Variants in CADM1 observed in about 807,000 individuals in gnomAD.
CADM1 encodes the protein TSLC-1.
Under a neutral mutation model 53.1 loss-of-function variants are expected in CADM1, and 15 were observed. The ratio of observed to expected loss-of-function variants is 0.28; its 90% CI spans 0.19 to 0.44. The LOEUF is 0.44. Among genes scored for constraint, CADM1 ranks in the 20% least tolerant of loss-of-function variants. CADM1 has a pLI of 1.00. For missense variants in CADM1, 434 were observed against 611.3 expected (o/e 0.71, Z 3.06); for synonymous variants, 281 against 243.0 (o/e 1.16, Z -1.45).
At chr11:115,369,876 C>G (rs1946268349) in intron 1 of CADM1, among the ~76,000 whole-genome samples, 1 of 152,146 alleles carries the variant, frequency 6.6e-6, no homozygotes, top group Non-Finnish European at 1.5e-5. Flanking sequence ...TTCTGAAATG[C>G]TGCCACGGAA....
At chr11:115,369,883 G>T (rs998818788) in intron 1 of CADM1, among the ~76,000 whole-genome samples, 5 of 152,078 alleles carry the variant, frequency 3.3e-5, no homozygotes, top group Non-Finnish European at 7.4e-5. Flanking sequence ...ATGCTGCCAC[G>T]GAAAAAAGAC....
intron 1 of CADM1, among the ~76,000 whole-genome samples, chr11:115,279,147 C>G (rs886400406): frequency 3.3e-5 from 5 of 152,126 alleles, no homozygotes; most frequent in Admixed American, 3.3e-4. Context: ...CTCTCCAATC[C>G]CACATTCCAC....
chr11:115,416,698 T>TAC (rs34112529), intron 1 of CADM1, among the ~76,000 whole-genome samples: 51,163 of 141,250 alleles, frequency 0.36, 9,523 homozygotes, highest in Non-Finnish European at 0.45. Flanking sequence ...AAGGATTAAA[T>TAC]ACACACACAC....
At chr11:115,229,465 C>T (rs563338249) in intron 4 of CADM1, among the ~76,000 whole-genome samples, 194 bp from the exon 5 acceptor site, 11 of 152,226 alleles carry the variant, frequency 7.2e-5, no homozygotes, top group Admixed American at 2.6e-4. Context: ...ACTTTTCAAC[C>T]AGGCAGCATA....
chr11:115,468,482 TAAAG>T (rs1948941985), intron 1 of CADM1, among the ~76,000 whole-genome samples: 1 of 152,182 alleles, frequency 6.6e-6, no homozygotes, highest in Non-Finnish European at 1.5e-5. Flanking sequence ...ACTTCAATTT[TAAAG>T]AAAGGAATTA....
intron 7 of CADM1, among the ~76,000 whole-genome samples, chr11:115,212,195 C>T (rs550056490): frequency 7.0e-4 from 106 of 152,030 alleles, no homozygotes; most frequent in African/African-American, 2.5e-3. Flanking sequence ...TCAGTTGGGG[C>T]TCAGGCACTA....
At chr11:115,431,124 C>G (rs1033418742) in intron 1 of CADM1, among the ~76,000 whole-genome samples, 2 of 151,808 alleles carry the variant, frequency 1.3e-5, no homozygotes, top group African/African-American at 4.8e-5. Context: ...CTAAATGGCA[C>G]AAAAAAAGTA....
Position 115,268,410 on chromosome 11 carries a change from C to T in CADM1, c.125-27990G>A, listed in dbSNP as rs1943206033. ...TCATCCTTTTCAGGCAAGGAAAAAACCAATCCTCACCACCACAACCAAATC... is the reference window on the plus strand; with the variant it reads ...TCATCCTTTTCAGGCAAGGAAAAAATCAATCCTCACCACCACAACCAAATC... On this transcript the variant is annotated intron_variant, in intron 1 of 11. Transcript: ENST00000331581. Among the ~76,000 whole-genome samples, 2 of 152,146 alleles carry T rather than the reference C, an allele frequency of 1.3e-5. 1 individual carries two copies. The highest frequency in any genetic ancestry group is 4.2e-4 in the South Asian group (2 of 4,816).
chr11:115,258,539 C>G (rs1367434106), intron 1 of CADM1, among the ~76,000 whole-genome samples: 1 of 152,240 alleles, frequency 6.6e-6, no homozygotes, highest in Non-Finnish European at 1.5e-5. Context: ...CAGAACCCAG[C>G]TTTGTTGGAT....
At chr11:115,303,865 GT>G (rs746284109) in intron 1 of CADM1, among the ~76,000 whole-genome samples, 1 of 151,992 alleles carries the variant, frequency 6.6e-6, no homozygotes, top group Non-Finnish European at 1.5e-5. Flanking sequence ...ACCCTAAATA[GT>G]TTACCATTTA....
chr11:115,260,836 C>A (rs1942952664), intron 1 of CADM1, among the ~76,000 whole-genome samples: 1 of 128,218 alleles, frequency 7.8e-6, no homozygotes. Flanking sequence ...CCACCCCCGG[C>A]TAATTTTTTG....
chr11:115,303,454 G>A (rs1327048548), intron 1 of CADM1, among the ~76,000 whole-genome samples: 2 of 151,994 alleles, frequency 1.3e-5, no homozygotes, highest in Non-Finnish European at 2.9e-5. Context: ...CCATATGCAA[G>A]TCTATTTTTC....
intron 1 of CADM1, among the ~76,000 whole-genome samples, chr11:115,389,980 C>T (rs909221426): frequency 1.3e-5 from 2 of 152,122 alleles, no homozygotes; most frequent in Non-Finnish European, 2.9e-5. Flanking sequence ...GGAACTAAAA[C>T]AGAGAAGTCA....
intron 1 of CADM1, among the ~76,000 whole-genome samples, chr11:115,265,117 C>G (rs933593097): frequency 6.6e-6 from 1 of 152,158 alleles, no homozygotes; most frequent in African/African-American, 2.4e-5. Flanking sequence ...TCCCACCTAC[C>G]ACATGCCCCT....
intron 1 of CADM1, among the ~76,000 whole-genome samples, chr11:115,476,739 C>T (rs941050685): frequency 1.3e-5 from 2 of 152,088 alleles, no homozygotes; most frequent in Non-Finnish European, 2.9e-5. Context: ...CCTGGAAGAA[C>T]GATAACTTAG....
At chr11:115,279,423 C>T (rs1255572104) in intron 1 of CADM1, among the ~76,000 whole-genome samples, 2 of 152,080 alleles carry the variant, frequency 1.3e-5, no homozygotes, top group Non-Finnish European at 2.9e-5. Context: ...GTACACAGTC[C>T]CAATTTTCTC....
chr11:115,479,613 T>C (rs995055104), intron 1 of CADM1, among the ~76,000 whole-genome samples: 1 of 152,198 alleles, frequency 6.6e-6, no homozygotes, highest in African/African-American at 2.4e-5. Context: ...CTGAGAAATA[T>C]AGTTACCAGG....
At chr11:115,248,221 A>T (rs1469782870) in intron 1 of CADM1, among the ~76,000 whole-genome samples, 1 of 152,244 alleles carries the variant, frequency 6.6e-6, no homozygotes, top group Non-Finnish European at 1.5e-5. Flanking sequence ...GAAAGAAAAC[A>T]CTGATTAGAT....
chr11:115,328,703 T>TATATACATATATACGC (rs149175615), intron 1 of CADM1, among the ~76,000 whole-genome samples: 1 of 5,350 alleles, frequency 1.9e-4, no homozygotes, highest in Non-Finnish European at 1.8e-3. Context: ...TATATATATG[T>TATATACATATATACGC]ATATATATAT....
Sources: allele counts gnomAD v4.1 joint callset (sites outside exome capture counted in the v4.1 genomes callset), GRCh38; gene constraint gnomAD v4.1.1; transcripts MANE v1.5; gene names NCBI Gene and HGNC (gene_info 2026-07-23, HGNC 2026-07-21).